CWH43: variants seen among roughly 807,000 people sequenced by gnomAD.
The protein encoded by CWH43 is cell wall biogenesis 43 C-terminal homolog.
A neutral mutation model predicts 85.7 loss-of-function variants in CWH43; 91 were observed. The ratio of observed to expected loss-of-function variants is 1.06; its 90% CI spans 0.90 to 1.26. The LOEUF (loss-of-function observed/expected upper bound fraction) is 1.26, where lower values mean the gene tolerates loss of function less well. Among genes scored for constraint, CWH43 ranks in the 50% most tolerant of loss-of-function variants. The probability of loss-of-function intolerance (pLI) is 0.00; values close to 1 mark genes in which losing one functional copy is unlikely to be tolerated. For synonymous variants in CWH43, 323 were observed against 293.6 expected (o/e 1.10, Z -1.02); for missense variants, 869 against 839.2 (o/e 1.04, Z -0.44).
chr4:49,032,051 T>A (rs1166148630), intron 11 of CWH43, among the ~76,000 whole-genome samples: 1 of 152,144 alleles, frequency 6.6e-6, no homozygotes, highest in East Asian at 1.9e-4. Context: ...TCTCAGAGAC[T>A]CCATGAAGGT....
chr4:48,998,714 C>T (rs779856872), intron 6 of CWH43, among the ~76,000 whole-genome samples, 166 bp downstream of exon 6: 9 of 152,240 alleles, frequency 5.9e-5, no homozygotes, highest in Middle Eastern at 6.8e-3. Flanking sequence ...CCAAGGTCAC[C>T]GGTGACTACC....
intron 14 of CWH43, among the ~76,000 whole-genome samples, chr4:49,045,607 C>G (rs1784598717): frequency 6.6e-6 from 1 of 152,086 alleles, no homozygotes; most frequent in African/African-American, 2.4e-5. Flanking sequence ...GAGCAATAGG[C>G]CATACCATAT....
chr4:49,002,927 AGG>A (rs914173842), intron 6 of CWH43, among the ~76,000 whole-genome samples: 8 of 152,294 alleles, frequency 5.3e-5, no homozygotes, highest in African/African-American at 1.9e-4. Flanking sequence ...CTACCCTTGA[AGG>A]GTGGGTCCCA....
At chr4:49,056,288 C>G (rs996272905) in intron 15 of CWH43, among the ~76,000 whole-genome samples, 1 of 152,092 alleles carries the variant, frequency 6.6e-6, no homozygotes, top group Admixed American at 6.6e-5. Flanking sequence ...ACCAGTGAGG[C>G]AATTGGGTCT....
At chr4:49,012,356 C>G (rs923688742) in intron 8 of CWH43, among the ~76,000 whole-genome samples, 2 of 152,190 alleles carry the variant, frequency 1.3e-5, no homozygotes, top group African/African-American at 4.8e-5. Context: ...CACGTTTATT[C>G]TAGTTAGCCA....
chr4:49,044,257 AT>A (rs1448446091), intron 13 of CWH43, among the ~76,000 whole-genome samples: 1 of 152,184 alleles, frequency 6.6e-6, no homozygotes, highest in Non-Finnish European at 1.5e-5. Context: ...AGATGTTCTT[AT>A]TTCCATGATT....
chr4:49,040,741 A>G (rs1784433544), intron 13 of CWH43, among the ~76,000 whole-genome samples: 1 of 152,112 alleles, frequency 6.6e-6, no homozygotes, highest in African/African-American at 2.4e-5. Flanking sequence ...GAAGCTCTTT[A>G]GTTTAATTAG....
rs764437967 is a variant in CWH43, at chr4:49,017,290, C to T, written c.1228C>T (p.Leu410=). 4.3e-6 allele frequency: 7 copies of T among 1,612,356 alleles called. No homozygotes were observed. The African/African-American group carries it at 5.3e-5, about 12-fold the overall frequency. The change falls in exon 9 of 16, where the codon CTA becomes TTA. Residue 410 remains leucine, a synonymous_variant. Coordinates refer to ENST00000226432, the MANE Select transcript of CWH43 (RefSeq NM_025087.3). The part of the protein sequence containing the change: ...LVGVGLLGLG[L]RHKAYERKLG... ...TGGTGTGGGATTGTTGGGATTAGGA[C>T]TACGGCATAAAGCCTATGAGAGAAA...
intron 5 of CWH43, among the ~76,000 whole-genome samples, chr4:48,995,716 G>T (rs1406154604): frequency 6.6e-6 from 1 of 152,096 alleles, no homozygotes; most frequent in Non-Finnish European, 1.5e-5. Flanking sequence ...CCAAGAGTTT[G>T]CCCAGAATTC....
rs79850378 is a variant in CWH43, at chr4:49,016,915, C to T, written c.1187-334C>T. The T allele has an allele frequency of 9.0e-4, 708 of 784,694 alleles. 3 individuals are homozygous for T. In the African/African-American group the frequency reaches 0.011, roughly 12 times the overall value. 48.6% of individuals were successfully genotyped at this position (784,694 alleles called of 1,614,324 possible). On this transcript the variant is annotated intron_variant, in intron 8 of 15. Transcript: ENST00000226432. ...GTAGCTCTGCAGTCTTTGATTATGCCAGGGCTGATCTCCCCAGTAAAGGCC... is the reference window on the plus strand; with the variant it reads ...GTAGCTCTGCAGTCTTTGATTATGCTAGGGCTGATCTCCCCAGTAAAGGCC...
At chr4:49,020,760 T>C (rs1001702165) in intron 9 of CWH43, among the ~76,000 whole-genome samples, 1 of 152,108 alleles carries the variant, frequency 6.6e-6, no homozygotes, top group African/African-American at 2.4e-5. Context: ...CTTGCAGGAG[T>C]AAGGTAGTAT....
intron 8 of CWH43, among the ~76,000 whole-genome samples, chr4:49,014,284 C>A (rs1364848699): frequency 2.0e-5 from 3 of 152,028 alleles, no homozygotes; most frequent in African/African-American, 7.2e-5. Flanking sequence ...GAGACCCCAT[C>A]TCTACAAAAA....
At chr4:49,019,654 C>T (rs1003246044) in intron 9 of CWH43, among the ~76,000 whole-genome samples, 2 of 151,806 alleles carry the variant, frequency 1.3e-5, no homozygotes, top group Non-Finnish European at 2.9e-5. Context: ...ATCTCGTTTC[C>T]CTGCAACCTC....
intron 6 of CWH43, among the ~76,000 whole-genome samples, chr4:49,000,194 G>C (rs1484083361): frequency 6.6e-6 from 1 of 152,154 alleles, no homozygotes; most frequent in Non-Finnish European, 1.5e-5. Context: ...TTGAGAGACT[G>C]TATCAGTAAT....
Position 49,028,690 on chromosome 4 carries a change from G to A in CWH43, c.1328G>A (p.Gly443Glu). Residue 443 changes from glycine to glutamate, a missense_variant, in exon 10 of 16, where the codon GGG becomes GAG. Around this residue, in one of 3 missense-constraint regions of CWH43, gnomAD observed 577 missense variants for 513.1 expected, o/e 1.12. Coordinates refer to ENST00000226432, the MANE Select transcript of CWH43 (RefSeq NM_025087.3). The part of the protein sequence containing the change: ...WPFRFGYDNE[G>E]WSSLERSAHL... Reference sequence around the variant, plus strand: ...TTCAGGTTTGGATATGACAATGAAGGGTGGTCTAGTCTAGAAAGATCAGCT... The same window carrying A: ...TTCAGGTTTGGATATGACAATGAAGAGTGGTCTAGTCTAGAAAGATCAGCT... The A allele has an allele frequency of 6.2e-7, 1 of 1,613,786 alleles. No individual in the cohort carries two copies. The highest frequency in any genetic ancestry group is 8.5e-7 in the Non-Finnish European group (1 of 1,179,790).
At chr4:49,024,679 C>G (rs1161746058) in intron 9 of CWH43, among the ~76,000 whole-genome samples, 4 of 152,128 alleles carry the variant, frequency 2.6e-5, no homozygotes, top group Non-Finnish European at 5.9e-5. Context: ...AGATAGGACC[C>G]TAATCTATTC....
intron 8 of CWH43, among the ~76,000 whole-genome samples, chr4:49,013,274 C>T (rs1783426122): frequency 6.6e-6 from 1 of 152,254 alleles, no homozygotes; most frequent in African/African-American, 2.4e-5. Context: ...GAGCAAGGCT[C>T]CCTGTGTGAG....
intron 15 of CWH43, among the ~76,000 whole-genome samples, chr4:49,052,475 G>A (rs534809638): frequency 3.5e-4 from 53 of 152,316 alleles, no homozygotes; most frequent in African/African-American, 1.2e-3. Flanking sequence ...AGCAACATTA[G>A]TATTTGCAGT....
rs1782493774 is a variant in CWH43, at chr4:48,986,363, C to G, written c.-67C>G. On this transcript the variant is annotated 5_prime_UTR_variant, in exon 1 of 16. Transcript: ENST00000226432. ...GGACGCGGCGGCGGGAACCTGGGGG[C>G]GCAGGGCTAGGGCAGCGGGCCCGAC... 1.4e-6 allele frequency: 2 copies of G among 1,456,438 alleles called. No homozygotes were observed. The highest frequency in any genetic ancestry group is 4.2e-5 in the Admixed American group (2 of 47,134). 90.2% of individuals were successfully genotyped at this position (1,456,438 alleles called of 1,614,324 possible).
Sources: gnomAD v4.1 joint callset for allele counts (sites outside exome capture counted in the v4.1 genomes callset) on GRCh38, gnomAD v4.1.1 for gene constraint, gnomAD v4.1.1 regional missense constraint, MANE v1.5 for transcripts, NCBI Gene and HGNC (gene_info 2026-07-23, HGNC 2026-07-21) for gene names.